PRKAR1B: variants seen among roughly 807,000 people sequenced by gnomAD.
The protein encoded by PRKAR1B is cAMP-dependent protein kinase type I-beta regulatory subunit.
In PRKAR1B, 22 loss-of-function variants were observed where a neutral mutation model predicts 46.5. The ratio of observed to expected loss-of-function variants is 0.47; its 90% confidence interval spans 0.34 to 0.68. The LOEUF (loss-of-function observed/expected upper bound fraction) is 0.68, where lower values mean the gene tolerates loss of function less well. PRKAR1B is among the 30% of genes least tolerant of loss of function. The pLI is 0.01. For missense variants in PRKAR1B, 445 were observed against 535.6 expected, an observed-to-expected ratio of 0.83 and a Z score of 1.67; for synonymous variants, 259 against 217.7, an observed-to-expected ratio of 1.19 and a Z score of -1.67.
chr7:701,963 C>T (rs1000777251), intron 2 of PRKAR1B, among the ~76,000 whole-genome samples: 2 of 152,206 alleles, frequency 1.3e-5, no homozygotes, highest in African/African-American at 4.8e-5. Flanking sequence ...TACCCAGGTA[C>T]ATCTTCTAGA....
At chr7:557,109 G>T (rs1166747751) in intron 9 of PRKAR1B, among the ~76,000 whole-genome samples, 1 of 152,198 alleles carries the variant, frequency 6.6e-6, no homozygotes, top group Non-Finnish European at 1.5e-5. Context: ...CTGGGAGGAG[G>T]GGAGCGCGGT....
At chr7:677,031 T>C (rs374811463) in intron 4 of PRKAR1B, among the ~76,000 whole-genome samples, 198 bp downstream of exon 4, 14 of 114,854 alleles carry the variant, frequency 1.2e-4, no homozygotes, top group Non-Finnish European at 1.3e-4. Flanking sequence ...TGGTGATTCC[T>C]GGGCAAGCAA....
intron 4 of PRKAR1B, among the ~76,000 whole-genome samples, chr7:631,336 G>A (rs542189755): frequency 1.0e-3 from 152 of 152,298 alleles, no homozygotes; most frequent in African/African-American, 3.3e-3. Context: ...CCCACCTCTC[G>A]CCATGTCATG....
At chr7:682,083 G>A (rs1271059398) in intron 2 of PRKAR1B, among the ~76,000 whole-genome samples, 5 of 152,150 alleles carry the variant, frequency 3.3e-5, no homozygotes, top group Admixed American at 6.5e-5. Flanking sequence ...CAGGGAGGAG[G>A]GAGAGGAGAA....
At chr7:553,857 C>T (rs552444437) in intron 9 of PRKAR1B, among the ~76,000 whole-genome samples, 16 of 152,374 alleles carry the variant, frequency 1.1e-4, no homozygotes, top group African/African-American at 3.6e-4. Flanking sequence ...GGCCGTGGGG[C>T]CACTCGGCTC....
chr7:580,398 C>CAA (rs200369076), intron 8 of PRKAR1B, among the ~76,000 whole-genome samples: 22 of 137,200 alleles, frequency 1.6e-4, no homozygotes, highest in African/African-American at 5.2e-4. Flanking sequence ...TACTAAAATA[C>CAA]AAAAAAAATA....
At chr7:580,793 T>A (rs921204735) in intron 8 of PRKAR1B, among the ~76,000 whole-genome samples, 3 of 148,242 alleles carry the variant, frequency 2.0e-5, no homozygotes, top group African/African-American at 7.4e-5. Context: ...ACAAATCAGA[T>A]GCTACCTATG....
At chr7:670,777 A>C (rs558949498) in intron 4 of PRKAR1B, among the ~76,000 whole-genome samples, 3 of 147,198 alleles carry the variant, frequency 2.0e-5, no homozygotes, top group Non-Finnish European at 4.5e-5. Context: ...CATCCGGCAG[A>C]GGGGCTCAGG....
chr7:680,121 G>T (rs1778576342), intron 3 of PRKAR1B, among the ~76,000 whole-genome samples: 1 of 147,414 alleles, frequency 6.8e-6, no homozygotes, highest in South Asian at 2.1e-4. Flanking sequence ...TCGCACCACT[G>T]CACTCCAGCC....
chr7:622,334 C>T (rs1783153623), intron 4 of PRKAR1B, among the ~76,000 whole-genome samples: 2 of 152,260 alleles, frequency 1.3e-5, no homozygotes, highest in Admixed American at 6.5e-5. Context: ...CCGCGCCACA[C>T]AGGGCCTCCC....
intron 7 of PRKAR1B, among the ~76,000 whole-genome samples, chr7:595,616 A>G (rs1212518607): frequency 2.0e-5 from 3 of 152,166 alleles, no homozygotes. Flanking sequence ...GAATCGGCCC[A>G]TAGCACCCCC....
rs1781002589 is a variant in PRKAR1B at position 719,581 on chromosome 7, T to C, written c.-23+7629A>G. On this transcript the variant is annotated intron_variant, in intron 1 of 10. Transcript: ENST00000537384. ...TCTCCCGTCTCAGCATCCCAAGGCC[T>C]GTTTCATTTGTTGTAACGTGTTGGC... is the stretch of plus-strand genomic sequence containing the variant. 2.0e-5 allele frequency among the ~76,000 whole-genome samples: 3 copies of C among 152,214 alleles called. No homozygotes were observed. In the South Asian group the frequency reaches 6.2e-4, roughly 32 times the overall value.
In PRKAR1B at chr7:714,492, G is replaced by A. The variant is rs957508562; in HGVS notation, c.-22-2965C>T. On this transcript the variant is annotated intron_variant, in intron 1 of 10. Coordinates refer to ENST00000537384, the MANE Select transcript of PRKAR1B (RefSeq NM_001164760.2). The surrounding 1 kb of genome is among the most constrained non-coding windows in gnomAD (Gnocchi z 4.3). ...GCCCCTGGCCCCACTGAGCTGTGACGTCTGCTGAGCTCCTCTCCTCATTGC... is the reference window on the plus strand; with the variant it reads ...GCCCCTGGCCCCACTGAGCTGTGACATCTGCTGAGCTCCTCTCCTCATTGC... Among the ~76,000 whole-genome samples the A allele has an allele frequency of 6.6e-6, 1 of 152,200 alleles. No homozygotes were observed. Among genetic ancestry groups the A allele is most frequent in the Admixed American group, 6.5e-5 (1 of 15,284 alleles).
intron 2 of PRKAR1B, chr7:696,824 C>G (rs2128519838): frequency 6.6e-6 from 1 of 152,474 alleles, no homozygotes; most frequent in Non-Finnish European, 1.5e-5. Flanking sequence ...CAGGTGGTTC[C>G]ATACACACAG....
At chr7:675,905 G>A (rs769968984) in intron 4 of PRKAR1B, among the ~76,000 whole-genome samples, 3 of 152,096 alleles carry the variant, frequency 2.0e-5, no homozygotes, top group Non-Finnish European at 2.9e-5. Flanking sequence ...AAGATCATAC[G>A]ACTGCAGTCC....
intron 4 of PRKAR1B, among the ~76,000 whole-genome samples, chr7:636,362 G>GGACTGT (rs1398459681): frequency 3.1e-5 from 1 of 32,502 alleles, no homozygotes; most frequent in East Asian, 7.0e-4. Flanking sequence ...GTCCTCCACC[G>GGACTGT]GCCGCGCCCA....
At chr7:673,376 G>C (rs904030622) in intron 4 of PRKAR1B, among the ~76,000 whole-genome samples, 1 of 152,066 alleles carries the variant, frequency 6.6e-6, no homozygotes, top group Admixed American at 6.5e-5. Context: ...TCAGCCGGGC[G>C]CGGTGGCTCA....
chr7:672,837 C>T (rs4305795), intron 4 of PRKAR1B, among the ~76,000 whole-genome samples: 12,370 of 151,600 alleles, frequency 0.082, 667 homozygotes, highest in Middle Eastern at 0.2. Context: ...ACTGCACTCC[C>T]GCCTGGGCAA....
chr7:676,811 G>A (rs374305016), intron 4 of PRKAR1B, among the ~76,000 whole-genome samples: 2 of 152,130 alleles, frequency 1.3e-5, no homozygotes, highest in Admixed American at 6.5e-5. Flanking sequence ...GGAGAGCAAC[G>A]GGGGCTGCCT....
Sources: allele counts gnomAD v4.1 joint callset (sites outside exome capture counted in the v4.1 genomes callset), GRCh38; gene constraint gnomAD v4.1.1; non-coding constraint Gnocchi (gnomAD v3.1); transcripts MANE v1.5; gene names NCBI Gene and HGNC (gene_info 2026-07-23, HGNC 2026-07-21).